DNMT1: variants seen among roughly 807,000 people sequenced by gnomAD.
The protein encoded by DNMT1 is DNA (cytosine-5)-methyltransferase 1.
In DNMT1, 24 loss-of-function variants were observed where a neutral mutation model predicts 205.3. The ratio of observed to expected loss-of-function variants is 0.12; its 90% confidence interval spans 0.08 to 0.16. DNMT1 has a LOEUF of 0.16. Ranked by LOEUF, DNMT1 falls within the 10% of genes least tolerant of loss-of-function variation. The pLI, the probability that DNMT1 is intolerant of heterozygous loss-of-function variation, is 1.00. For missense variants in DNMT1, 1,293 were observed against 2,177.7 expected, an observed-to-expected ratio of 0.59 and a Z score of 8.09; for synonymous variants, 817 against 839.8, an observed-to-expected ratio of 0.97 and a Z score of 0.47.
At chr19:10,179,282 T>C (rs2038994932) in intron 5 of DNMT1, among the ~76,000 whole-genome samples, 1 of 152,090 alleles carries the variant, frequency 6.6e-6, no homozygotes, top group African/African-American at 2.4e-5. Context: ...CTCATAGCCA[T>C]GTTTTGGGAT....
In DNMT1 at chr19:10,151,214, C is replaced by T. The variant is rs891221086; in HGVS notation, c.2265+184G>A. Reference sequence around the variant, plus strand: ...TGAGCCTTGTGGCCACACAAAAATGCCTTGCTGGTACTGAGCCATGGAACA... The same window carrying T: ...TGAGCCTTGTGGCCACACAAAAATGTCTTGCTGGTACTGAGCCATGGAACA... On this transcript the variant is annotated intron_variant, in intron 24 of 40. Coordinates refer to ENST00000359526, the MANE Select transcript of DNMT1 (RefSeq NM_001130823.3). The surrounding 1 kb of genome is among the most constrained non-coding windows in gnomAD (Gnocchi z 5.0). Among the ~76,000 whole-genome samples, 8 of 152,192 alleles carry T rather than the reference C, an allele frequency of 5.3e-5. No individual in the cohort carries two copies. The highest frequency in any genetic ancestry group is 8.8e-5 in the Non-Finnish European group (6 of 68,036).
chr19:10,134,340 G>T (rs376026880), intron 39 of DNMT1, 33 bp from the exon 40 acceptor site: 55 of 1,602,840 alleles, frequency 3.4e-5, no homozygotes, highest in Non-Finnish European at 4.4e-5. Context: ...TGCCTGATGT[G>T]GACACCCAGG....
intron 11 of DNMT1, 74 bp from the exon 12 acceptor site, chr19:10,163,434 A>G (rs2038622436): frequency 6.7e-7 from 1 of 1,490,638 alleles, no homozygotes; most frequent in Non-Finnish European, 9.4e-7. Context: ...AGTGAGATAA[A>G]ATGCAAACAC....
At position 10,176,608 on chromosome 19, in the gene DNMT1, A is replaced by G. The variant is rs1025394388; in HGVS notation, c.569+684T>C. ...CACGGTGGCTCACGCCTGTAACCCC[A>G]GCACTTTGGGAGGTTGAAGTGGGCA... On this transcript the variant is annotated intron_variant, in intron 6 of 40. Coordinates refer to ENST00000359526, the MANE Select transcript of DNMT1 (RefSeq NM_001130823.3). Among the ~76,000 whole-genome samples the G allele has an allele frequency of 3.3e-5, 5 of 152,330 alleles. No individual in the cohort carries two copies. The East Asian group carries it at 9.6e-4, about 29-fold the overall frequency.
intron 17 of DNMT1, among the ~76,000 whole-genome samples, chr19:10,157,019 T>C (rs569874011): frequency 6.6e-6 from 1 of 152,320 alleles, no homozygotes; most frequent in East Asian, 1.9e-4. Flanking sequence ...TGTATGTGTG[T>C]CTGCAACAGC....
intron 28 of DNMT1, among the ~76,000 whole-genome samples, chr19:10,145,316 T>TC: frequency 6.6e-6 from 1 of 152,180 alleles, no homozygotes; most frequent in Non-Finnish European, 1.5e-5. Flanking sequence ...GGTGTCCCCT[T>TC]CCCACCAAGG....
At chr19:10,134,891 T>G (rs1173141224) in intron 39 of DNMT1, among the ~76,000 whole-genome samples, 1 of 147,908 alleles carries the variant, frequency 6.8e-6, no homozygotes. Context: ...ATGGGCCACC[T>G]AGACACGTTT....
chr19:10,175,750 G>A, intron 6 of DNMT1, 132 bp from the exon 7 acceptor site: 1 of 888,022 alleles, frequency 1.1e-6, no homozygotes, highest in East Asian at 2.5e-5. Flanking sequence ...GACGGGTTTA[G>A]AATGTTGTCT....
intron 9 of DNMT1, 86 bp from the exon 10 acceptor site, chr19:10,168,450 T>G: frequency 7.2e-7 from 1 of 1,396,476 alleles, no homozygotes; most frequent in Non-Finnish European, 1.0e-6. Context: ...ATAAAACACC[T>G]GAACTGATTC....
chr19:10,144,351 T>C, intron 28 of DNMT1: 1 of 339,256 alleles, frequency 2.9e-6, no homozygotes, highest in South Asian at 2.4e-5. Flanking sequence ...GAGGTTGCAG[T>C]GAGCTGAGAT....
At chr19:10,174,392 G>A (rs1215226788) in intron 7 of DNMT1, among the ~76,000 whole-genome samples, 2 of 151,882 alleles carry the variant, frequency 1.3e-5, no homozygotes, top group Non-Finnish European at 2.9e-5. Context: ...CCCCAGCCTG[G>A]TGACAGAATG....
Position 10,141,196 on chromosome 19 carries a change from A to AGGAGAGAACTGCAATCGTTTG in DNMT1, c.3310-28_3310-8dup, listed in dbSNP as rs1399856886. On this transcript the variant is annotated splice_polypyrimidine_tract_variant and splice_region_variant and intron_variant, in intron 30 of 40. Coordinates refer to ENST00000359526, the MANE Select transcript of DNMT1 (RefSeq NM_001130823.3). ...TGCTCTTTGCATTATAGGCCTGAAA[A>AGGAGAGAACTGCAATCGTTTG]GGAGAGAACTGCAATCGTTTGGGAG... The AGGAGAGAACTGCAATCGTTTG allele has an allele frequency of 1.2e-6, 2 of 1,613,848 alleles. No homozygotes were observed. Among genetic ancestry groups the AGGAGAGAACTGCAATCGTTTG allele is most frequent in the Non-Finnish European group, 1.7e-6 (2 of 1,179,902 alleles).
In DNMT1 at chr19:10,168,377, G is replaced by T; in HGVS notation, c.769-13C>A. On this transcript the variant is annotated splice_polypyrimidine_tract_variant and intron_variant, in intron 9 of 40. Transcript: ENST00000359526. ...GTCTCTTTTCTTCCTAAGTTGCAGG[G>T]AAAAAAGACAAGTTAATTTTTTCCA... The T allele has an allele frequency of 1.9e-6, 3 of 1,613,898 alleles. No homozygotes were observed. Among genetic ancestry groups the T allele is most frequent in the Non-Finnish European group, 2.5e-6 (3 of 1,179,886 alleles).
Position 10,133,577 on chromosome 19 carries a change from G to A in DNMT1, c.*90C>T. 3 of 1,461,722 alleles carry A rather than the reference G, an allele frequency of 2.1e-6. No individual in the cohort carries two copies. 90.5% of individuals were successfully genotyped at this position (1,461,722 alleles called of 1,614,324 possible). ...GCCACAAACACCATGTACCACACAT[G>A]TGAACGGACAGATTGACATGTTAAA... is the stretch of plus-strand genomic sequence containing the variant. On this transcript the variant is annotated 3_prime_UTR_variant, in exon 41 of 41. Transcript: ENST00000359526. The surrounding 1 kb of genome is among the most constrained non-coding windows in gnomAD (Gnocchi z 4.1).
Position 10,138,926 on chromosome 19 carries a change from C to A in DNMT1, c.3949-321G>T, listed in dbSNP as rs2089548672. Among the ~76,000 whole-genome samples the A allele has an allele frequency of 6.6e-6, 1 of 152,166 alleles. No individual in the cohort carries two copies. Among genetic ancestry groups the A allele is most frequent in the Non-Finnish European group, 1.5e-5 (1 of 68,026 alleles). ...CGGGGAGAACACTGGAGACCAGGAG[C>A]CCTGTCGCTTCCCTGATGGCTGTGG... On this transcript the variant is annotated intron_variant, in intron 34 of 40. Coordinates refer to ENST00000359526, the MANE Select transcript of DNMT1 (RefSeq NM_001130823.3). The surrounding 1 kb of genome is among the most constrained non-coding windows in gnomAD (Gnocchi z 4.1).
intron 1 of DNMT1, among the ~76,000 whole-genome samples, chr19:10,185,221 G>C (rs975720840): frequency 6.6e-6 from 1 of 151,788 alleles, no homozygotes; most frequent in Admixed American, 6.6e-5. Context: ...GTCAGGAGAT[G>C]GAGACCATCC....
Position 10,138,588 on chromosome 19 carries a change from C to T in DNMT1, c.3966G>A (p.Val1322=). ...TGATGGCCCGCCTCCTAGTCTGGGCCACGCCGTACTGACCGGCCTGTGGGG... is the reference window on the plus strand; with the variant it reads ...TGATGGCCCGCCTCCTAGTCTGGGCTACGCCGTACTGACCGGCCTGTGGGG... The part of the protein sequence containing the change: ...FGVLQAGQYG[V]AQTRRRAIIL... Residue 1322 remains valine (V), a synonymous_variant, in exon 35 of 41, where the codon GTG becomes GTA. Coordinates refer to ENST00000359526, the MANE Select transcript of DNMT1 (RefSeq NM_001130823.3). The surrounding 1 kb of genome is among the most constrained non-coding windows in gnomAD (Gnocchi z 4.1). The T allele has an allele frequency of 6.2e-7, 1 of 1,606,016 alleles. No individual in the cohort carries two copies. The highest frequency in any genetic ancestry group is 1.3e-5 in the African/African-American group (1 of 75,052).
intron 1 of DNMT1, among the ~76,000 whole-genome samples, chr19:10,191,773 T>A (rs186051446): frequency 6.6e-6 from 1 of 151,962 alleles, no homozygotes; most frequent in South Asian, 2.1e-4. Flanking sequence ...ACGCAGAGGA[T>A]TGCTTCAGTC....
At chr19:10,184,053 CAAAA>C (rs2039131264) in intron 1 of DNMT1, among the ~76,000 whole-genome samples, 2 of 152,048 alleles carry the variant, frequency 1.3e-5, no homozygotes, top group African/African-American at 4.8e-5. Context: ...GACCCTGACT[CAAAA>C]AGATACCAGG....
Sources: gnomAD v4.1 joint callset for allele counts (sites outside exome capture counted in the v4.1 genomes callset) on GRCh38, gnomAD v4.1.1 for gene constraint, Gnocchi (gnomAD v3.1) non-coding constraint, MANE v1.5 for transcripts, NCBI Gene and HGNC (gene_info 2026-07-23, HGNC 2026-07-21) for gene names.